The following NELL2 variants were observed in gnomAD, a reference collection of about 807,000 sequenced individuals.
NELL2 encodes neural EGFL like 2, also known as protein kinase C-binding protein NELL2.
Under a neutral mutation model 109.6 loss-of-function variants are expected in NELL2, and 41 were observed. The observed-to-expected ratio is 0.37, with a 90% CI of 0.29 to 0.49. The LOEUF (loss-of-function observed/expected upper bound fraction) is 0.49, where lower values mean the gene tolerates loss of function less well. Among genes scored for constraint, NELL2 ranks in the 20% least tolerant of loss-of-function variants. The pLI, the probability that NELL2 is intolerant of heterozygous loss-of-function variation, is 0.98. For synonymous variants in NELL2, 355 were observed against 344.7 expected (o/e 1.03, Z -0.33); for missense variants, 900 against 1,008.3 (o/e 0.89, Z 1.45).
chr12:44,549,145 C>A (rs1942925702), intron 15 of NELL2, among the ~76,000 whole-genome samples: 1 of 152,110 alleles, frequency 6.6e-6, no homozygotes, highest in Non-Finnish European at 1.5e-5. Flanking sequence ...GTCATAGTAC[C>A]TGTTAATAAG....
At chr12:44,856,840 G>A (rs1566542399) in intron 2 of NELL2, among the ~76,000 whole-genome samples, 2 of 152,262 alleles carry the variant, frequency 1.3e-5, no homozygotes, top group South Asian at 2.1e-4. Context: ...GACATGATAT[G>A]TATTACATTT....
At chr12:44,757,916 G>C (rs1940958222) in intron 9 of NELL2, among the ~76,000 whole-genome samples, 1 of 152,102 alleles carries the variant, frequency 6.6e-6, no homozygotes, top group Admixed American at 6.6e-5. Flanking sequence ...AGATGATCCA[G>C]TAGCACTGTG....
chr12:44,573,129 A>G (rs764732672), intron 15 of NELL2, among the ~76,000 whole-genome samples: 9 of 152,242 alleles, frequency 5.9e-5, no homozygotes, highest in Admixed American at 1.3e-4. Context: ...CATAGCCCAG[A>G]TATTACAAGA....
intron 3 of NELL2, among the ~76,000 whole-genome samples, chr12:44,782,492 T>C (rs10785531): frequency 0.24 from 36,155 of 151,862 alleles, 4,600 homozygotes; most frequent in South Asian, 0.3. Context: ...CATATTCTGT[T>C]GGTAAGAAAC....
rs11182658 is a variant in NELL2 at position 44,767,334 on chromosome 12, A to G, written c.994+7413T>C. ...TGGGAAAGAGAACAAAAGCCCCCCAATGCCTTTTCTAAACACCTACTGAAA... is the reference window on the plus strand; with the variant it reads ...TGGGAAAGAGAACAAAAGCCCCCCAGTGCCTTTTCTAAACACCTACTGAAA... On this transcript the variant is annotated intron_variant, in intron 9 of 19. Coordinates refer to ENST00000429094, the MANE Select transcript of NELL2 (RefSeq NM_001145108.2). Among the ~76,000 whole-genome samples the G allele has an allele frequency of 5.4e-3, 828 of 152,256 alleles. 13 individuals carry two copies. Among genetic ancestry groups the G allele is most frequent in the East Asian group, 0.051 (263 of 5,184 alleles).
intron 13 of NELL2, among the ~76,000 whole-genome samples, chr12:44,613,302 T>C (rs888176021): frequency 2.0e-5 from 3 of 152,250 alleles, no homozygotes; most frequent in African/African-American, 7.2e-5. Context: ...TCTGGGACTG[T>C]GAATTTTTAG....
chr12:44,735,366 T>G (rs1227154803), intron 9 of NELL2, among the ~76,000 whole-genome samples: 1 of 152,204 alleles, frequency 6.6e-6, no homozygotes, highest in Non-Finnish European at 1.5e-5. Flanking sequence ...AGGAAGAATG[T>G]TTATTATCCT....
chr12:44,714,825 A>T (rs911355613), intron 9 of NELL2, 84 bp from the exon 10 acceptor site: 17 of 756,838 alleles, frequency 2.2e-5, no homozygotes, highest in African/African-American at 3.7e-5. Context: ...ACAGCATTCC[A>T]CATGTTATAC....
chr12:44,877,821 T>G (rs1163333950), upstream of NELL2, among the ~76,000 whole-genome samples: 1 of 152,158 alleles, frequency 6.6e-6, no homozygotes, highest in Non-Finnish European at 1.5e-5. Context: ...TGAGAAATAT[T>G]TCAGTACTTA....
chr12:44,792,861 G>A (rs531057676), intron 3 of NELL2, among the ~76,000 whole-genome samples: 5 of 152,288 alleles, frequency 3.3e-5, no homozygotes, highest in East Asian at 1.9e-4. Flanking sequence ...TTAAATGAGC[G>A]ATTCCGAATC....
At chr12:44,903,985 A>G (rs762975335) in intron 1 of NELL2, among the ~76,000 whole-genome samples, 1 of 152,118 alleles carries the variant, frequency 6.6e-6, no homozygotes, top group Non-Finnish European at 1.5e-5. Context: ...ATGTATACCT[A>G]TGTAACAAAC....
At chr12:44,591,926 T>G (rs1211125960) in intron 15 of NELL2, among the ~76,000 whole-genome samples, 1 of 152,164 alleles carries the variant, frequency 6.6e-6, no homozygotes, top group African/African-American at 2.4e-5. Context: ...AAATTAAAGA[T>G]TAATAACAAT....
chr12:44,564,537 G>T (rs1943584281), intron 15 of NELL2, among the ~76,000 whole-genome samples: 1 of 152,144 alleles, frequency 6.6e-6, no homozygotes, highest in African/African-American at 2.4e-5. Context: ...CACTAGGCTA[G>T]GCCCTGAGGG....
At chr12:44,657,314 A>G (rs1947540868) in intron 13 of NELL2, among the ~76,000 whole-genome samples, 1 of 152,170 alleles carries the variant, frequency 6.6e-6, no homozygotes, top group South Asian at 2.1e-4. Context: ...TGGAGAGAGA[A>G]AGAAAAGAGA....
At chr12:44,801,893 A>T (rs908932326) in intron 3 of NELL2, among the ~76,000 whole-genome samples, 11 of 151,700 alleles carry the variant, frequency 7.3e-5, no homozygotes, top group African/African-American at 2.7e-4. Context: ...CACCAGGCAC[A>T]GAGGATACAG....
chr12:44,671,738 A>T (rs1025679986), intron 12 of NELL2, among the ~76,000 whole-genome samples: 2 of 152,232 alleles, frequency 1.3e-5, no homozygotes, highest in Non-Finnish European at 2.9e-5. Flanking sequence ...ACCTGAACAG[A>T]TCAATAGCAA....
At chr12:44,533,989 G>T (rs1370031950) in intron 15 of NELL2, among the ~76,000 whole-genome samples, 1 of 152,030 alleles carries the variant, frequency 6.6e-6, no homozygotes, top group African/African-American at 2.4e-5. Context: ...CTGTGACCAG[G>T]CACAATGACA....
rs991429050 is a variant in NELL2 at position 44,548,086 on chromosome 12, T to C, written c.1664-15365A>G. ...ATTGATTATTCATTCCCTCCACTTCTAGAACACAGCCTGGTACACATTAGT... is the reference window on the plus strand; with the variant it reads ...ATTGATTATTCATTCCCTCCACTTCCAGAACACAGCCTGGTACACATTAGT... On this transcript the variant is annotated intron_variant, in intron 15 of 19. Coordinates refer to ENST00000429094, the MANE Select transcript of NELL2 (RefSeq NM_001145108.2). 1.6e-3 allele frequency among the ~76,000 whole-genome samples: 248 copies of C among 152,250 alleles called. 1 individual carries two copies. The highest frequency in any genetic ancestry group is 5.8e-3 in the African/African-American group (241 of 41,536).
intron 15 of NELL2, among the ~76,000 whole-genome samples, chr12:44,578,763 T>G (rs945947487): frequency 1.3e-5 from 2 of 151,962 alleles, no homozygotes; most frequent in Non-Finnish European, 2.9e-5. Flanking sequence ...AAATGGTGCA[T>G]ATAGGTTTTC....
Sources: gnomAD v4.1 joint callset for allele counts (sites outside exome capture counted in the v4.1 genomes callset) on GRCh38, gnomAD v4.1.1 for gene constraint, MANE v1.5 for transcripts, NCBI Gene and HGNC (gene_info 2026-07-23, HGNC 2026-07-21) for gene names.